RGS12: variants seen among roughly 807,000 people sequenced by gnomAD.
The protein encoded by RGS12 is regulator of G protein signaling 12.
RGS12 carries 66 observed loss-of-function variants against 120.1 expected under a neutral mutation model. The ratio of observed to expected loss-of-function variants is 0.55; its 90% confidence interval spans 0.45 to 0.67. The LOEUF is 0.67. Ranked by LOEUF, RGS12 falls within the 30% of genes least tolerant of loss-of-function variation. RGS12 has a pLI of 0.00. For synonymous variants in RGS12, 827 were observed against 804.7 expected, an observed-to-expected ratio of 1.03 and a Z score of -0.47; for missense variants, 1,859 against 1,957.7, an observed-to-expected ratio of 0.95 and a Z score of 0.95.
At chr4:3,423,833 G>GTT in intron 13 of RGS12, 192 bp downstream of exon 13, 1 of 655,930 alleles carries the variant, frequency 1.5e-6, no homozygotes, top group Non-Finnish European at 2.5e-6. Flanking sequence ...AGCCATCATG[G>GTT]TTTATTTGTA....
intron 3 of RGS12, among the ~76,000 whole-genome samples, chr4:3,376,748 G>C (rs894952791): frequency 6.6e-6 from 1 of 152,228 alleles, no homozygotes; most frequent in African/African-American, 2.4e-5. Flanking sequence ...CCCTGTGCTA[G>C]TGGAGCAGAG....
intron 2 of RGS12, chr4:3,324,389 G>T: frequency 4.8e-6 from 1 of 208,468 alleles, no homozygotes; most frequent in Admixed American, 6.1e-5. Flanking sequence ...ATCTCTTAGT[G>T]GGGATGTCCC....
chr4:3,301,610 G>A (rs374059564), intron 1 of RGS12, among the ~76,000 whole-genome samples: 20 of 129,028 alleles, frequency 1.6e-4, no homozygotes, highest in African/African-American at 6.6e-4. Flanking sequence ...GATGGAGAGT[G>A]AGGCCGGGGT....
At chr4:3,431,124 C>T (rs1005676286) in intron 17 of RGS12, 169 bp downstream of exon 17, 2 of 1,434,536 alleles carry the variant, frequency 1.4e-6, no homozygotes, top group African/African-American at 2.9e-5. Context: ...AAAGGAGGGG[C>T]TCGTGTGGCC....
In RGS12 at chr4:3,422,925, C is replaced by A; in HGVS notation, c.3054C>A (p.Asp1018Glu). 1 of 1,613,192 alleles carries A rather than the reference C, an allele frequency of 6.2e-7. No homozygotes were observed. Among genetic ancestry groups the A allele is most frequent in the Non-Finnish European group, 8.5e-7 (1 of 1,179,816 alleles). Residue 1018 changes from aspartate (D) to glutamate (E), a missense_variant, in exon 12 of 18, where the codon GAC becomes GAA. Physicochemically the swap from Asp to Glu is conservative, Grantham distance 45. Around this residue, in one of 3 missense-constraint regions of RGS12, gnomAD observed 375 missense variants for 475.0 expected, o/e 0.79. Transcript: ENST00000336727. ...GGDKPLVLHQ[D>E]SSILESRDLR... ...CTCAGCCTCTGGTGCTGCACCAAGA[C>A]AGTAGCATCTTGGAGTCAAGGGACC...
chr4:3,302,827 G>T (rs1055942684), intron 1 of RGS12, among the ~76,000 whole-genome samples: 5 of 152,184 alleles, frequency 3.3e-5, no homozygotes, highest in South Asian at 2.1e-4. Context: ...ACAGAGTCGT[G>T]GGGGGAGGAG....
rs531689100 is a variant in RGS12, at chr4:3,307,300, G to T, written c.-101-8770G>T. Reference sequence around the variant, plus strand: ...GGACATGAGCCCGCGCACCGCTGGGGACAGGCCACGCTGCGGCAGCGTGTG... The same window carrying T: ...GGACATGAGCCCGCGCACCGCTGGGTACAGGCCACGCTGCGGCAGCGTGTG... On this transcript the variant is annotated intron_variant, in intron 1 of 17. Transcript: ENST00000336727. Among the ~76,000 whole-genome samples the T allele has an allele frequency of 2.0e-5, 3 of 152,352 alleles. No individual in the cohort carries two copies. In the South Asian group the frequency reaches 6.2e-4, roughly 32 times the overall value.
rs779962906 is a variant in RGS12 at position 3,316,856 on chromosome 4, C to T, written c.686C>T (p.Ala229Val). The stretch of plus-strand genomic sequence containing the variant: ...TTGGATGCAAGTATTTTAAACGTGG[C>T]GATGATCGTGGGCTACTTAGGCTCC... Reference protein sequence around the residue: ...FALDASILNVAMIVGYLGSIE... With the variant: ...FALDASILNVVMIVGYLGSIE... Residue 229 changes from alanine (A) to valine (V), a missense_variant, in exon 2 of 18, where the codon GCG becomes GTG. Transcript: ENST00000336727. 8.1e-6 allele frequency: 13 copies of T among 1,614,162 alleles called. No homozygotes were observed. The highest frequency in any genetic ancestry group is 1.3e-5 in the African/African-American group (1 of 75,058).
upstream of RGS12, chr4:3,292,987 C>A (rs1176395509): frequency 6.7e-6 from 1 of 149,906 alleles, no homozygotes; most frequent in East Asian, 2.0e-4. Context: ...CCTCCGGCCT[C>A]GGCCCCGCCC....
At chr4:3,437,317 C>G (rs1724907218) in intron 17 of RGS12, among the ~76,000 whole-genome samples, 1 of 152,214 alleles carries the variant, frequency 6.6e-6, no homozygotes, top group Non-Finnish European at 1.5e-5. Flanking sequence ...AGCACACTAG[C>G]TTCCTGGGGC....
chr4:3,432,244 T>A, intron 17 of RGS12: 2 of 860,252 alleles, frequency 2.3e-6, no homozygotes, highest in Non-Finnish European at 2.8e-6. Context: ...AAAAGTATTT[T>A]AATCTAGGGG....
At chr4:3,357,786 C>T (rs1026591863) in intron 3 of RGS12, among the ~76,000 whole-genome samples, 4 of 152,102 alleles carry the variant, frequency 2.6e-5, no homozygotes, top group Non-Finnish European at 5.9e-5. Context: ...TCAGGAAGTA[C>T]AAGTCCTCTA....
At chr4:3,416,697 T>C (rs1722436303) in intron 7 of RGS12, among the ~76,000 whole-genome samples, 1 of 152,184 alleles carries the variant, frequency 6.6e-6, no homozygotes, top group African/African-American at 2.4e-5. Flanking sequence ...TTAAGAGTGA[T>C]AAAGGCTGGT....
intron 3 of RGS12, among the ~76,000 whole-genome samples, chr4:3,356,628 TA>T (rs1246480454): frequency 6.6e-6 from 1 of 151,188 alleles, no homozygotes; most frequent in African/African-American, 2.4e-5. Context: ...TTCACTATTC[TA>T]AGTGAAATCG....
At chr4:3,428,228 C>A in intron 15 of RGS12, 59 bp downstream of exon 15, 1 of 1,446,536 alleles carries the variant, frequency 6.9e-7, no homozygotes, top group Non-Finnish European at 9.7e-7. Flanking sequence ...CCCCCGCCTG[C>A]CCTGCGCAGT....
At chr4:3,347,750 T>C (rs1578786884) in intron 3 of RGS12, among the ~76,000 whole-genome samples, 1 of 152,106 alleles carries the variant, frequency 6.6e-6, no homozygotes. Context: ...ATCAAAACAA[T>C]AACAATGGAT....
rs755865360 is a variant in RGS12 at position 3,417,068 on chromosome 4, C to A, written c.2583C>A (p.His861Gln). ...CCAAGCACAGCCTCGGTTCAGACCA[C>A]TCCAGTGTGTCCACGCCAAAAAAGG... Reference protein sequence around the residue: ...PASKHSLGSDHSSVSTPKKLS... With the variant: ...PASKHSLGSDQSSVSTPKKLS... Residue 861 changes from histidine (H) to glutamine (Q), a missense_variant, in exon 8 of 18, where the codon CAC (histidine) becomes CAA (glutamine). This residue lies in a region of RGS12 where 375 missense variants were observed against 475.0 expected (regional missense o/e 0.79). Coordinates refer to ENST00000336727, the MANE Select transcript of RGS12 (RefSeq NM_001394154.1). The A allele has an allele frequency of 1.9e-6, 3 of 1,608,594 alleles. No individual in the cohort carries two copies. Among genetic ancestry groups the A allele is most frequent in the Non-Finnish European group, 2.6e-6 (3 of 1,176,276 alleles).
intron 10 of RGS12, among the ~76,000 whole-genome samples, chr4:3,421,924 A>G (rs913969603): frequency 8.5e-5 from 13 of 152,246 alleles, no homozygotes; most frequent in African/African-American, 3.1e-4. Flanking sequence ...AAGAGACCTC[A>G]GACTACCGGA....
chr4:3,328,266 G>A (rs1162886802), intron 2 of RGS12, among the ~76,000 whole-genome samples: 1 of 152,194 alleles, frequency 6.6e-6, no homozygotes, highest in African/African-American at 2.4e-5. Flanking sequence ...AGGGGTGAGT[G>A]ATGAGACACT....
Sources: allele counts gnomAD v4.1 joint callset (sites outside exome capture counted in the v4.1 genomes callset), GRCh38; gene constraint gnomAD v4.1.1; regional missense constraint gnomAD v4.1.1; transcripts MANE v1.5; gene names NCBI Gene and HGNC (gene_info 2026-07-23, HGNC 2026-07-21).